Variants in QTMAN observed in about 807,000 individuals in gnomAD.
QTMAN encodes the protein queuosine-tRNA mannosyltransferase.
chr2:144,030,106 T>G, the QTMAN span, among the ~76,000 whole-genome samples: 169 of 152,342 alleles, frequency 1.1e-3, 2 homozygotes, highest in African/African-American at 3.9e-3. Flanking sequence ...AAGACAGTGT[T>G]TGGCCTTTGC....
chr2:144,329,226 A>G, the QTMAN span, among the ~76,000 whole-genome samples: 1 of 151,936 alleles, frequency 6.6e-6, no homozygotes, highest in Non-Finnish European at 1.5e-5. Flanking sequence ...CGGGTGACAG[A>G]GTGTGACTCT....
At chr2:144,048,256 T>C in the QTMAN span, among the ~76,000 whole-genome samples, 3 of 152,310 alleles carry the variant, frequency 2.0e-5, no homozygotes, top group African/African-American at 7.2e-5. Context: ...GCAATTAATA[T>C]ACATGGACTA....
the QTMAN span, among the ~76,000 whole-genome samples, chr2:144,055,325 A>G: frequency 6.9e-6 from 1 of 145,494 alleles, no homozygotes; most frequent in African/African-American, 2.7e-5. Flanking sequence ...ACACACACAC[A>G]GACACACAGA....
chr2:143,984,347 A>C, the QTMAN span, among the ~76,000 whole-genome samples: 1 of 152,238 alleles, frequency 6.6e-6, no homozygotes, highest in Non-Finnish European at 1.5e-5. Flanking sequence ...ATAGATGTGC[A>C]GGTGGAAGTG....
the QTMAN span, among the ~76,000 whole-genome samples, chr2:144,058,190 G>T: frequency 4.4e-5 from 6 of 137,490 alleles, no homozygotes; most frequent in Admixed American, 2.4e-4. Flanking sequence ...TTGGAGATGT[G>T]CTTTCTCTCT....
the QTMAN span, among the ~76,000 whole-genome samples, chr2:144,321,083 CAA>C: frequency 1.3e-5 from 2 of 152,138 alleles, no homozygotes; most frequent in Non-Finnish European, 2.9e-5. Context: ...GCATCTGCTC[CAA>C]AAGAGAATAT....
the QTMAN span, among the ~76,000 whole-genome samples, chr2:144,098,912 C>T: frequency 6.0e-3 from 915 of 151,380 alleles, 10 homozygotes; most frequent in African/African-American, 0.021. Context: ...GCTACAGCTC[C>T]GCACTGATTT....
the QTMAN span, among the ~76,000 whole-genome samples, chr2:144,210,615 T>A: frequency 6.6e-6 from 1 of 152,164 alleles, no homozygotes; most frequent in Admixed American, 6.5e-5. Context: ...CATGCAGAGT[T>A]CATGGTCCAC....
chr2:144,038,502 AG>A, the QTMAN span, among the ~76,000 whole-genome samples: 1 of 152,196 alleles, frequency 6.6e-6, no homozygotes, highest in Non-Finnish European at 1.5e-5. Flanking sequence ...CCTTTTAAAC[AG>A]TTTATTCACT....
the QTMAN span, among the ~76,000 whole-genome samples, chr2:144,274,236 G>A: frequency 6.6e-6 from 1 of 152,214 alleles, no homozygotes; most frequent in Non-Finnish European, 1.5e-5. Flanking sequence ...GGAGAATCTT[G>A]TTCTATTTGG....
chr2:144,208,813 C>A, the QTMAN span: 2 of 1,482,492 alleles, frequency 1.3e-6, no homozygotes, highest in African/African-American at 1.4e-5. Flanking sequence ...TCCTAAATAA[C>A]AACCAAAAAA....
the QTMAN span, among the ~76,000 whole-genome samples, chr2:144,250,772 A>C: frequency 1.3e-5 from 2 of 149,022 alleles, no homozygotes; most frequent in East Asian, 1.9e-4. Context: ...AAAAAAAAAA[A>C]CCTGTGCCAT....
At chr2:144,038,223 A>T in the QTMAN span, among the ~76,000 whole-genome samples, 7 of 152,136 alleles carry the variant, frequency 4.6e-5, no homozygotes, top group Non-Finnish European at 1.0e-4. Context: ...CTAACCAAGA[A>T]TGTTTTTCCT....
the QTMAN span, among the ~76,000 whole-genome samples, chr2:144,173,512 A>G: frequency 6.6e-6 from 1 of 152,168 alleles, no homozygotes; most frequent in Non-Finnish European, 1.5e-5. Context: ...CCAACAGCCC[A>G]TAAAGAACAA....
At chr2:144,287,804 C>A in the QTMAN span, among the ~76,000 whole-genome samples, 12 of 152,084 alleles carry the variant, frequency 7.9e-5, no homozygotes, top group African/African-American at 2.9e-4. Context: ...AAATTGATGT[C>A]ATTTATTATA....
the QTMAN span, chr2:144,145,466 GT>G: frequency 9.9e-6 from 7 of 710,600 alleles, no homozygotes; most frequent in African/African-American, 5.4e-5. Flanking sequence ...ACCTTATGGT[GT>G]TTTAAAAAAA....
the QTMAN span, among the ~76,000 whole-genome samples, chr2:144,288,603 A>G: frequency 6.6e-6 from 1 of 152,240 alleles, no homozygotes; most frequent in East Asian, 1.9e-4. Context: ...AGAGCTGGTT[A>G]AAGAAATTCC....
chr2:144,226,673 A>C, the QTMAN span, among the ~76,000 whole-genome samples: 1 of 152,162 alleles, frequency 6.6e-6, no homozygotes, highest in Non-Finnish European at 1.5e-5. Context: ...AGACTGTTTT[A>C]GTAATTAAGG....
the QTMAN span, among the ~76,000 whole-genome samples, chr2:144,270,811 T>C: frequency 6.6e-6 from 1 of 152,122 alleles, no homozygotes; most frequent in Non-Finnish European, 1.5e-5. Context: ...ATCCCAGAAC[T>C]TAAAGTAAAA....
Sources: gnomAD v4.1 joint callset for allele counts (sites outside exome capture counted in the v4.1 genomes callset) on GRCh38, gnomAD v4.1.1 for gene constraint, MANE v1.5 for transcripts, NCBI Gene and HGNC (gene_info 2026-07-23, HGNC 2026-07-21) for gene names.